The following CCBE1 variants were observed in gnomAD, a reference collection of about 807,000 sequenced individuals.
CCBE1 encodes the protein collagen and calcium-binding EGF domain-containing protein 1.
Under a neutral mutation model 50.0 loss-of-function variants are expected in CCBE1, and 37 were observed. The observed-to-expected ratio is 0.74, with a 90% CI of 0.57 to 0.97. The LOEUF is 0.97. CCBE1 is among the 50% of genes least tolerant of loss of function. CCBE1 has a pLI of 0.00. For synonymous variants in CCBE1, 234 were observed against 203.7 expected (o/e 1.15, Z -1.27); for missense variants, 538 against 523.8 (o/e 1.03, Z -0.26).
At chr18:59,496,328 C>T (rs533091667) in intron 2 of CCBE1, among the ~76,000 whole-genome samples, 4 of 152,338 alleles carry the variant, frequency 2.6e-5, no homozygotes, top group Admixed American at 2.6e-4. Flanking sequence ...ACAAATCACA[C>T]ATGCTCAACA....
chr18:59,605,008 C>A (rs180697245), intron 2 of CCBE1, among the ~76,000 whole-genome samples: 5 of 152,172 alleles, frequency 3.3e-5, no homozygotes, highest in African/African-American at 9.7e-5. Flanking sequence ...CCACCTACAC[C>A]GTGTTCATCA....
chr18:59,457,179 C>T (rs1166323010), intron 5 of CCBE1, among the ~76,000 whole-genome samples: 1 of 152,176 alleles, frequency 6.6e-6, no homozygotes, highest in Admixed American at 6.5e-5. Flanking sequence ...CTTGTTAATG[C>T]CTGCTTTCTA....
intron 2 of CCBE1, among the ~76,000 whole-genome samples, chr18:59,547,076 A>ACAGAGGGGGG (rs1915724838): frequency 2.0e-5 from 2 of 101,348 alleles, no homozygotes; most frequent in African/African-American, 4.2e-5. Context: ...AGAGAGGGGG[A>ACAGAGGGGGG]GAGAAAGGGA....
intron 2 of CCBE1, among the ~76,000 whole-genome samples, chr18:59,555,270 T>A (rs1041035181): frequency 6.6e-6 from 1 of 152,150 alleles, no homozygotes; most frequent in African/African-American, 2.4e-5. Flanking sequence ...AAAGACCATA[T>A]GGGTCCTTAG....
chr18:59,667,424 G>C (rs1478793525), intron 2 of CCBE1, among the ~76,000 whole-genome samples: 5 of 152,190 alleles, frequency 3.3e-5, no homozygotes, highest in Non-Finnish European at 7.4e-5. Context: ...GTGCACAGGG[G>C]TAAGAATGCC....
At chr18:59,469,319 A>T (rs1433219693) in intron 4 of CCBE1, among the ~76,000 whole-genome samples, 154 bp downstream of exon 4, 1 of 152,158 alleles carries the variant, frequency 6.6e-6, no homozygotes, top group Non-Finnish European at 1.5e-5. Context: ...TGGTTTTAGT[A>T]ATTGTGATGA....
intron 2 of CCBE1, among the ~76,000 whole-genome samples, chr18:59,513,530 A>G (rs2144303751): frequency 6.6e-6 from 1 of 152,328 alleles, no homozygotes; most frequent in African/African-American, 2.4e-5. Flanking sequence ...CCGACACCAC[A>G]GTCAGGTAAG....
intron 2 of CCBE1, among the ~76,000 whole-genome samples, chr18:59,504,537 T>C (rs12967130): frequency 6.6e-6 from 1 of 152,140 alleles, no homozygotes; most frequent in Non-Finnish European, 1.5e-5. Flanking sequence ...CCACTGACAG[T>C]GTCTTTGTGA....
chr18:59,433,547 C>T lies in CCBE1; in HGVS notation c.*2361G>A, dbSNP rs9959752. On this transcript the variant is annotated 3_prime_UTR_variant, in exon 11 of 11. Coordinates refer to ENST00000439986, the MANE Select transcript of CCBE1 (RefSeq NM_133459.4). ...TGTTGCCACTAGAGGTTTGCAAAGC[C>T]CCTTCCTAACATTCTTAAGGAAGAA... 80,151 of 151,646 alleles carry T rather than the reference C, an allele frequency of 0.53. 21,432 individuals carry two copies. Among genetic ancestry groups the T allele is most frequent in the East Asian group, 0.7 (3,568 of 5,128 alleles). 9.4% of individuals were successfully genotyped at this position (151,646 alleles called of 1,614,324 possible). A position where few individuals can be genotyped will look rare whatever the true frequency, so the allele number is the denominator to read the frequency against.
intron 2 of CCBE1, among the ~76,000 whole-genome samples, chr18:59,557,586 C>T (rs898240586): frequency 1.3e-5 from 2 of 152,132 alleles, no homozygotes; most frequent in Non-Finnish European, 2.9e-5. Context: ...ACCAGTCAGA[C>T]GTTTGCATAG....
intron 2 of CCBE1, among the ~76,000 whole-genome samples, chr18:59,623,581 C>G (rs1313751851): frequency 1.3e-5 from 2 of 152,110 alleles, no homozygotes; most frequent in Non-Finnish European, 2.9e-5. Flanking sequence ...ATGCATAAGC[C>G]CAGGTAATAA....
At chr18:59,512,430 G>C (rs1914171343) in intron 2 of CCBE1, among the ~76,000 whole-genome samples, 1 of 152,262 alleles carries the variant, frequency 6.6e-6, no homozygotes, top group Non-Finnish European at 1.5e-5. Flanking sequence ...CTGAAGCAAA[G>C]AGCAACAGTG....
chr18:59,516,956 T>G (rs942964373), intron 2 of CCBE1, among the ~76,000 whole-genome samples: 2 of 152,176 alleles, frequency 1.3e-5, no homozygotes, highest in Non-Finnish European at 2.9e-5. Context: ...CAGGTTATCT[T>G]AAAATAAACC....
chr18:59,692,473 T>G (rs115729394), intron 2 of CCBE1, among the ~76,000 whole-genome samples: 1 of 152,078 alleles, frequency 6.6e-6, no homozygotes, highest in Non-Finnish European at 1.5e-5. Context: ...TGTTTTGACA[T>G]TATCGAAGCC....
At chr18:59,534,732 C>T (rs1490961698) in intron 2 of CCBE1, among the ~76,000 whole-genome samples, 1 of 152,186 alleles carries the variant, frequency 6.6e-6, no homozygotes, top group Non-Finnish European at 1.5e-5. Context: ...AATGAGGCTC[C>T]ATCTAGATTG....
chr18:59,490,382 TCC>T (rs1164735359), intron 2 of CCBE1, among the ~76,000 whole-genome samples: 2 of 122,952 alleles, frequency 1.6e-5, no homozygotes, highest in African/African-American at 3.3e-5. Context: ...GACAGGATAT[TCC>T]CCCTTTTTTT....
intron 2 of CCBE1, among the ~76,000 whole-genome samples, chr18:59,627,743 A>C (rs913146994): frequency 1.3e-5 from 2 of 152,190 alleles, no homozygotes; most frequent in Non-Finnish European, 2.9e-5. Flanking sequence ...ATGCTCCCCT[A>C]GTGCCTTCAG....
At chr18:59,634,714 G>T (rs2053894402) in intron 2 of CCBE1, among the ~76,000 whole-genome samples, 1 of 152,140 alleles carries the variant, frequency 6.6e-6, no homozygotes, top group African/African-American at 2.4e-5. Context: ...ACTAAAACAT[G>T]AGCGAGGAAC....
chr18:59,499,687 C>T (rs1367048311), intron 2 of CCBE1, among the ~76,000 whole-genome samples: 1 of 152,208 alleles, frequency 6.6e-6, no homozygotes, highest in African/African-American at 2.4e-5. Context: ...CCTCCCACAA[C>T]ACGTGGGAAT....
Sources: gnomAD v4.1 joint callset for allele counts (sites outside exome capture counted in the v4.1 genomes callset) on GRCh38, gnomAD v4.1.1 for gene constraint, MANE v1.5 for transcripts, NCBI Gene and HGNC (gene_info 2026-07-23, HGNC 2026-07-21) for gene names.